Variants in SGSM1 observed in about 807,000 individuals in gnomAD.
SGSM1 encodes small G protein signaling modulator 1.
In SGSM1, 73 loss-of-function variants were observed where a neutral mutation model predicts 133.8. That is an observed-to-expected ratio of 0.55 (90% confidence interval 0.45 to 0.66). SGSM1 has a LOEUF of 0.66. Ranked by LOEUF, SGSM1 falls within the 30% of genes least tolerant of loss-of-function variation. The pLI is 0.00. For missense variants in SGSM1, 1,213 were observed against 1,448.1 expected, an observed-to-expected ratio of 0.84 and a Z score of 2.64; for synonymous variants, 563 against 573.0, an observed-to-expected ratio of 0.98 and a Z score of 0.25.
chr22:24,899,021 CAAAAAA>C (rs11284624), intron 19 of SGSM1, among the ~76,000 whole-genome samples: 4 of 62,478 alleles, frequency 6.4e-5, no homozygotes, highest in East Asian at 6.2e-4. Context: ...AGCAAGATCT[CAAAAAA>C]AAAAAAAAAA....
intron 2 of SGSM1, among the ~76,000 whole-genome samples, chr22:24,824,927 C>T (rs1162999912): frequency 6.6e-6 from 1 of 152,190 alleles, no homozygotes; most frequent in African/African-American, 2.4e-5. Context: ...GGACAGGGAC[C>T]ATGTCTGCTT....
chr22:24,871,248 G>A (rs1931748760), intron 12 of SGSM1, among the ~76,000 whole-genome samples: 1 of 152,086 alleles, frequency 6.6e-6, no homozygotes, highest in Non-Finnish European at 1.5e-5. Context: ...AGAACCGTTG[G>A]TTTAGAGAAA....
chr22:24,914,515 C>T (rs893577615), intron 22 of SGSM1, among the ~76,000 whole-genome samples: 2 of 151,674 alleles, frequency 1.3e-5, no homozygotes, highest in African/African-American at 2.4e-5. Flanking sequence ...TTTCATTATT[C>T]GTGTACCCCT....
intron 21 of SGSM1, among the ~76,000 whole-genome samples, chr22:24,910,111 T>C (rs552072045): frequency 6.6e-6 from 1 of 152,298 alleles, no homozygotes; most frequent in South Asian, 2.1e-4. Context: ...ACAAATGGTG[T>C]GATTCCATTT....
At chr22:24,914,481 C>CCA (rs1933750495) in intron 22 of SGSM1, among the ~76,000 whole-genome samples, 1 of 121,610 alleles carries the variant, frequency 8.2e-6, no homozygotes, top group Non-Finnish European at 1.9e-5. Flanking sequence ...GTCCCCCCCC[C>CCA]CAAAAAAAAA....
chr22:24,877,992 G>A (rs1440010801), intron 13 of SGSM1, among the ~76,000 whole-genome samples: 1 of 151,612 alleles, frequency 6.6e-6, no homozygotes. Context: ...TGTGTTTTTA[G>A]TAGAGATGGG....
At chr22:24,822,723 T>C (rs1341018709) in intron 2 of SGSM1, among the ~76,000 whole-genome samples, 3 of 152,076 alleles carry the variant, frequency 2.0e-5, no homozygotes, top group Non-Finnish European at 4.4e-5. Context: ...GTGACTGTGA[T>C]GTTTGGTTTC....
At position 24,898,108 on chromosome 22, in the gene SGSM1, TCTC is replaced by T. The variant is rs1569168964; in HGVS notation, c.2163_2165del (p.Ser722del). On this transcript the variant is annotated inframe_deletion, in exon 19 of 25. Transcript: ENST00000400358. The stretch of plus-strand genomic sequence containing the variant: ...TCGGGTCATCCTTCCTCCCATAACT[TCTC>T]CTCGGGCCTCTCAGAGCACTCAGAG... 1 of 1,613,672 alleles carries T rather than the reference TCTC, an allele frequency of 6.2e-7. No individual in the cohort carries two copies. Among genetic ancestry groups the T allele is most frequent in the Non-Finnish European group, 8.5e-7 (1 of 1,179,826 alleles).
At chr22:24,810,514 C>T (rs531775867) in intron 2 of SGSM1, among the ~76,000 whole-genome samples, 7 of 152,320 alleles carry the variant, frequency 4.6e-5, no homozygotes, top group Admixed American at 3.9e-4. Context: ...CGAGCAGGGA[C>T]TGGCTTCCCG....
intron 5 of SGSM1, among the ~76,000 whole-genome samples, chr22:24,850,882 G>C (rs1295880260): frequency 1.3e-5 from 2 of 152,116 alleles, no homozygotes; most frequent in Non-Finnish European, 2.9e-5. Context: ...TGGATCACGA[G>C]GTCAGGAGAT....
rs1225660457 is a variant in SGSM1 at position 24,806,423 on chromosome 22, T to C, written c.20-18T>C. On this transcript the variant is annotated intron_variant, in intron 1 of 24. Coordinates refer to ENST00000400358, the MANE Select transcript of SGSM1 (RefSeq NM_001098497.3). ...CCCTCTCTCGGCTGACCCGCGGCTC[T>C]CGTTTCTTGTCCCACAGAGGCGGAG... 5 of 1,522,948 alleles carry C rather than the reference T, an allele frequency of 3.3e-6. No individual in the cohort carries two copies. The South Asian group carries it at 3.7e-5, about 11-fold the overall frequency. The allele number at this position is 1,522,948 out of a possible 1,614,324, so 94.3% of individuals were successfully genotyped here.
At chr22:24,863,967 C>A (rs979069988) in intron 9 of SGSM1, among the ~76,000 whole-genome samples, 2 of 151,786 alleles carry the variant, frequency 1.3e-5, no homozygotes, top group Admixed American at 1.3e-4. Context: ...TCTCAAACTC[C>A]TGACCTCAGG....
chr22:24,850,269 T>C lies in SGSM1; in HGVS notation c.303-11T>C. On this transcript the variant is annotated splice_polypyrimidine_tract_variant and intron_variant, in intron 4 of 24. Coordinates refer to ENST00000400358, the MANE Select transcript of SGSM1 (RefSeq NM_001098497.3). ...GTGAGTATCTATTCCCGTCTTTTAT[T>C]GGTCTTGAAGGAGAAACCAGATTCA... 1 of 1,573,922 alleles carries C rather than the reference T, an allele frequency of 6.4e-7. No homozygotes were observed.
At chr22:24,877,802 CTTTTTT>C (rs36036968) in intron 13 of SGSM1, among the ~76,000 whole-genome samples, 55 of 75,444 alleles carry the variant, frequency 7.3e-4, no homozygotes, top group Non-Finnish European at 9.4e-4. Flanking sequence ...TTCTTTCTTT[CTTTTTT>C]TTTTTTTTTT....
At chr22:24,872,970 T>A (rs114039606) in intron 12 of SGSM1, among the ~76,000 whole-genome samples, 7,708 of 152,042 alleles carry the variant, frequency 0.051, 219 homozygotes, top group African/African-American at 0.079. Flanking sequence ...AATTGTAATT[T>A]TTTTTTTTGG....
chr22:24,829,690 A>G (rs942497476), intron 2 of SGSM1, among the ~76,000 whole-genome samples: 2 of 151,168 alleles, frequency 1.3e-5, no homozygotes, highest in Admixed American at 6.6e-5. Context: ...TTACGTGGGG[A>G]AAAAAAAATC....
chr22:24,920,960 G>C (rs1232675568), intron 24 of SGSM1, among the ~76,000 whole-genome samples: 1 of 151,994 alleles, frequency 6.6e-6, no homozygotes, highest in Non-Finnish European at 1.5e-5. Context: ...GATTTCACCT[G>C]GTTTTTCACT....
At chr22:24,862,508 G>A (rs1011816636) in intron 9 of SGSM1, among the ~76,000 whole-genome samples, 3 of 152,110 alleles carry the variant, frequency 2.0e-5, no homozygotes, top group African/African-American at 7.2e-5. Flanking sequence ...CGTCTTGTTC[G>A]CTTCTTATCC....
At chr22:24,819,763 A>G (rs770318532) in intron 2 of SGSM1, among the ~76,000 whole-genome samples, 1 of 152,252 alleles carries the variant, frequency 6.6e-6, no homozygotes, top group African/African-American at 2.4e-5. Context: ...TAGACACACT[A>G]TTGGATTGCT....
Sources: gnomAD v4.1 joint callset for allele counts (sites outside exome capture counted in the v4.1 genomes callset) on GRCh38, gnomAD v4.1.1 for gene constraint, MANE v1.5 for transcripts, NCBI Gene and HGNC (gene_info 2026-07-23, HGNC 2026-07-21) for gene names.